The following KHDRBS2 variants were observed in gnomAD, a reference collection of about 807,000 sequenced individuals.
The protein encoded by KHDRBS2 is KH RNA binding domain containing, signal transduction associated 2.
Under a neutral mutation model 44.3 loss-of-function variants are expected in KHDRBS2, and 26 were observed. That is an observed-to-expected ratio of 0.59 (90% CI 0.43 to 0.81). The LOEUF (loss-of-function observed/expected upper bound fraction) is 0.81. Ranked by LOEUF, KHDRBS2 falls within the 40% of genes least tolerant of loss-of-function variation. KHDRBS2 has a pLI of 0.00. For synonymous variants in KHDRBS2, 194 were observed against 151.1 expected (o/e 1.28, Z -2.08); for missense variants, 476 against 433.1 (o/e 1.10, Z -0.88).
At chr6:61,934,742 CCCAAA>C (rs1277485803) in intron 4 of KHDRBS2, among the ~76,000 whole-genome samples, 6 of 152,234 alleles carry the variant, frequency 3.9e-5, no homozygotes, top group African/African-American at 1.2e-4. Flanking sequence ...CACTCAGAAT[CCCAAA>C]TTGGGGTAAC....
chr6:61,774,547 T>C (rs1024239776), intron 6 of KHDRBS2, among the ~76,000 whole-genome samples: 1 of 152,092 alleles, frequency 6.6e-6, no homozygotes, highest in Non-Finnish European at 1.5e-5. Context: ...CCATTTACAA[T>C]TGCTTCAAAG....
At chr6:62,219,994 T>C (rs1415072743) in intron 1 of KHDRBS2, among the ~76,000 whole-genome samples, 3 of 149,488 alleles carry the variant, frequency 2.0e-5, no homozygotes, top group Non-Finnish European at 4.5e-5. Flanking sequence ...GTATATATTC[T>C]GTATGTTTGA....
intron 6 of KHDRBS2, among the ~76,000 whole-genome samples, chr6:61,796,988 T>C (rs1276788175): frequency 6.6e-6 from 1 of 152,186 alleles, no homozygotes; most frequent in African/African-American, 2.4e-5. Context: ...CAAATATCAC[T>C]TCAATTTTCT....
intron 6 of KHDRBS2, among the ~76,000 whole-genome samples, chr6:61,881,092 A>G (rs1195942111): frequency 6.6e-6 from 1 of 151,924 alleles, no homozygotes; most frequent in African/African-American, 2.4e-5. Context: ...TGTACTTGAC[A>G]TAAGGGCTCA....
chr6:61,623,225 C>A, the KHDRBS2 span, among the ~76,000 whole-genome samples: 1 of 152,040 alleles, frequency 6.6e-6, no homozygotes, highest in South Asian at 2.1e-4. Flanking sequence ...TGGTATAATG[C>A]CTATTGAATA....
chr6:61,967,957 T>TATATATATACACAC (rs1228663590), intron 4 of KHDRBS2, among the ~76,000 whole-genome samples: 5 of 73,588 alleles, frequency 6.8e-5, no homozygotes, highest in African/African-American at 1.9e-4. Context: ...TATATATATA[T>TATATATATACACAC]ACACACACAC....
At chr6:62,183,255 GA>G in intron 1 of KHDRBS2, among the ~76,000 whole-genome samples, 1 of 151,686 alleles carries the variant, frequency 6.6e-6, no homozygotes, top group South Asian at 2.1e-4. Flanking sequence ...CACAAACGCA[GA>G]AATCACAATT....
At chr6:61,854,903 A>T (rs1795939516) in intron 6 of KHDRBS2, among the ~76,000 whole-genome samples, 1 of 152,158 alleles carries the variant, frequency 6.6e-6, no homozygotes, top group African/African-American at 2.4e-5. Context: ...TTCTTGAAAG[A>T]CCATATATCT....
chr6:61,891,976 T>C (rs1367663819), intron 6 of KHDRBS2, among the ~76,000 whole-genome samples: 3 of 152,198 alleles, frequency 2.0e-5, no homozygotes, highest in African/African-American at 7.2e-5. Context: ...TGTTTGCAGA[T>C]GACATGATTG....
chr6:62,040,878 G>T (rs1451619096), intron 3 of KHDRBS2, among the ~76,000 whole-genome samples: 1 of 152,076 alleles, frequency 6.6e-6, no homozygotes, highest in African/African-American at 2.4e-5. Flanking sequence ...CCAGATTCAA[G>T]GGGAAGAGAA....
chr6:61,653,836 G>T, the KHDRBS2 span, among the ~76,000 whole-genome samples: 1 of 151,990 alleles, frequency 6.6e-6, no homozygotes, highest in South Asian at 2.1e-4. Flanking sequence ...AATAGGACGG[G>T]TATACAGAAA....
At chr6:61,666,925 A>G in the KHDRBS2 span, among the ~76,000 whole-genome samples, 1 of 151,084 alleles carries the variant, frequency 6.6e-6, no homozygotes, top group African/African-American at 2.4e-5. Context: ...CTGCTAAATG[A>G]AATTGTTTAG....
At chr6:61,864,357 G>T (rs1797479143) in intron 6 of KHDRBS2, among the ~76,000 whole-genome samples, 1 of 152,084 alleles carries the variant, frequency 6.6e-6, no homozygotes, top group Non-Finnish European at 1.5e-5. Context: ...TTCATATGGT[G>T]GCTTCATAGT....
chr6:62,098,092 TA>T (rs1438719633), intron 2 of KHDRBS2, among the ~76,000 whole-genome samples: 2 of 152,164 alleles, frequency 1.3e-5, no homozygotes, highest in Non-Finnish European at 2.9e-5. Context: ...AAATTGCCTA[TA>T]TTTTCACCAT....
At chr6:61,619,312 C>T in the KHDRBS2 span, among the ~76,000 whole-genome samples, 11 of 151,896 alleles carry the variant, frequency 7.2e-5, no homozygotes, top group East Asian at 1.9e-4. Flanking sequence ...TGTATGCCTC[C>T]GTGTACTCAT....
chr6:61,940,490 G>A (rs1811932177), intron 4 of KHDRBS2, among the ~76,000 whole-genome samples: 1 of 152,152 alleles, frequency 6.6e-6, no homozygotes, highest in Non-Finnish European at 1.5e-5. Context: ...GAGGGTGGTT[G>A]TGCTGGGTCC....
chr6:61,757,231 T>A (rs892099454), intron 6 of KHDRBS2, among the ~76,000 whole-genome samples: 4 of 152,164 alleles, frequency 2.6e-5, no homozygotes, highest in African/African-American at 9.6e-5. Flanking sequence ...ATTTTCTGTA[T>A]ACCTGCTCTC....
chr6:62,089,577 A>C (rs1346465504), intron 2 of KHDRBS2, among the ~76,000 whole-genome samples: 2 of 151,696 alleles, frequency 1.3e-5, no homozygotes, highest in African/African-American at 4.8e-5. Flanking sequence ...ACCAGTCCCA[A>C]TGAGATGAAC....
At chr6:61,776,793 T>C (rs113039518) in intron 6 of KHDRBS2, among the ~76,000 whole-genome samples, 4,674 of 152,260 alleles carry the variant, frequency 0.031, 254 homozygotes, top group African/African-American at 0.11. Context: ...ATTGGGTATA[T>C]ACCCAAAGGA....
Sources: gnomAD v4.1 joint callset for allele counts (sites outside exome capture counted in the v4.1 genomes callset) on GRCh38, gnomAD v4.1.1 for gene constraint, MANE v1.5 for transcripts, NCBI Gene and HGNC (gene_info 2026-07-23, HGNC 2026-07-21) for gene names.